CHRDL2: variants seen among roughly 807,000 people sequenced by gnomAD.
CHRDL2 encodes chordin like 2.
Under a neutral mutation model 54.3 loss-of-function variants are expected in CHRDL2, and 41 were observed. The ratio of observed to expected loss-of-function variants is 0.76; its 90% CI spans 0.59 to 0.98. CHRDL2 has a LOEUF of 0.98. Ranked by LOEUF, CHRDL2 falls within the 50% of genes least tolerant of loss-of-function variation. The pLI, the probability that CHRDL2 is intolerant of heterozygous loss-of-function variation, is 0.00. For missense variants in CHRDL2, 518 were observed against 562.4 expected (o/e 0.92, Z 0.80); for synonymous variants, 220 against 224.3 (o/e 0.98, Z 0.17).
rs988008875 is a variant in CHRDL2, at chr11:74,715,750, G to A, written c.196-2271C>T. On this transcript the variant is annotated intron_variant, in intron 2 of 10. Transcript: ENST00000376332. ...TCCCAGCACTTTGGGATGCCAAGGC[G>A]GGCAGATTGTTTGAGGTCAGGTGTT... is the stretch of plus-strand genomic sequence containing the variant. Among the ~76,000 whole-genome samples, 20 of 151,754 alleles carry A rather than the reference G, an allele frequency of 1.3e-4. 1 individual carries two copies. Among genetic ancestry groups the A allele is most frequent in the Non-Finnish European group, 2.5e-4 (17 of 67,956 alleles).
At chr11:74,720,468 C>T (rs1295942009) in intron 1 of CHRDL2, 2 of 152,982 alleles carry the variant, frequency 1.3e-5, no homozygotes, top group East Asian at 1.9e-4. Flanking sequence ...CTCTCATCTC[C>T]TGTGGCTTTT....
intron 1 of CHRDL2, among the ~76,000 whole-genome samples, chr11:74,722,434 C>A (rs2034512992): frequency 1.3e-5 from 2 of 152,148 alleles, no homozygotes; most frequent in South Asian, 4.1e-4. Flanking sequence ...GTTTCCACAT[C>A]TATTAAATGG....
chr11:74,719,787 C>G (rs1356156735), intron 1 of CHRDL2, among the ~76,000 whole-genome samples: 1 of 152,168 alleles, frequency 6.6e-6, no homozygotes. Context: ...TACAATCCTG[C>G]ATTCCTGAAA....
intron 9 of CHRDL2, chr11:74,698,631 CTGGATGGA>C (rs3841468): frequency 0.045 from 6,748 of 148,428 alleles, 565 homozygotes; most frequent in African/African-American, 0.16. Flanking sequence ...GAATGAATCC[CTGGATGGA>C]TGGATGGATG....
At chr11:74,725,227 G>A (rs1308833351) in intron 1 of CHRDL2, among the ~76,000 whole-genome samples, 7 of 152,016 alleles carry the variant, frequency 4.6e-5, no homozygotes, top group African/African-American at 1.2e-4. Flanking sequence ...TCTTGACCTC[G>A]TGATCCACCC....
intron 8 of CHRDL2, 76 bp from the exon 9 acceptor site, chr11:74,703,043 G>A: frequency 2.1e-6 from 3 of 1,407,094 alleles, no homozygotes; most frequent in South Asian, 1.4e-5. Flanking sequence ...ATTCTAAAAT[G>A]TTGTGACTTC....
intron 1 of CHRDL2, among the ~76,000 whole-genome samples, chr11:74,728,654 C>G (rs2034607446): frequency 6.6e-6 from 1 of 152,188 alleles, no homozygotes; most frequent in Non-Finnish European, 1.5e-5. Context: ...GTGACTGGAA[C>G]TACAGGTGTG....
At chr11:74,727,732 C>A (rs912255536) in intron 1 of CHRDL2, among the ~76,000 whole-genome samples, 2 of 151,980 alleles carry the variant, frequency 1.3e-5, no homozygotes, top group Non-Finnish European at 2.9e-5. Flanking sequence ...AACTGACTCT[C>A]CTGAAAGCAG....
chr11:74,703,296 CCT>C lies in CHRDL2; in HGVS notation c.946+7_946+8del. The stretch of plus-strand genomic sequence containing the variant: ...CAGCGCCCTCCTTGCTCCCAGTGCC[CCT>C]GTGTACCTGGGCAAATCTTGCAGCA... On this transcript the variant is annotated splice_region_variant and intron_variant, in intron 8 of 10. Coordinates refer to ENST00000376332, the MANE Select transcript of CHRDL2 (RefSeq NM_001278473.3). 1.3e-6 allele frequency: 2 copies of C among 1,590,256 alleles called. No homozygotes were observed. Among genetic ancestry groups the C allele is most frequent in the South Asian group, 2.3e-5 (2 of 88,160 alleles).
chr11:74,710,738 C>G, intron 4 of CHRDL2, 111 bp downstream of exon 4: 1 of 1,360,592 alleles, frequency 7.3e-7, no homozygotes, highest in Non-Finnish European at 9.8e-7. Context: ...TGAGCCCATT[C>G]ATTTTGCTTT....
At chr11:74,721,089 A>G (rs1481466719) in intron 1 of CHRDL2, among the ~76,000 whole-genome samples, 1 of 152,228 alleles carries the variant, frequency 6.6e-6, no homozygotes, top group Non-Finnish European at 1.5e-5. Flanking sequence ...GCAAGCCAGC[A>G]AGGCCCGGCT....
chr11:74,718,403 G>C (rs1057511935), intron 2 of CHRDL2, among the ~76,000 whole-genome samples: 1 of 152,168 alleles, frequency 6.6e-6, no homozygotes, highest in Non-Finnish European at 1.5e-5. Flanking sequence ...GGTCAAAAAG[G>C]CTCTGTCTTG....
Position 74,713,416 on chromosome 11 carries a change from C to T in CHRDL2, c.259G>A (p.Glu87Lys). 3 of 1,614,114 alleles carry T rather than the reference C, an allele frequency of 1.9e-6. No individual in the cohort carries two copies. The highest frequency in any genetic ancestry group is 2.5e-6 in the Non-Finnish European group (3 of 1,179,994). The change falls in exon 3 of 11, where the codon GAG becomes AAG. Residue 87 changes from glutamate (E) to lysine (K), a missense_variant. Transcript: ENST00000376332. ...PPVHCPQPVT[E>K]PQQCCPKCVE... is the part of the protein sequence containing the mutation. Reference sequence around the variant, plus strand: ...CACTTGGGACAGCATTGCTGTGGCTCCGTCACAGGCTGGGGGCAGTGGACA... The same window carrying T: ...CACTTGGGACAGCATTGCTGTGGCTTCGTCACAGGCTGGGGGCAGTGGACA...
chr11:74,715,833 C>A (rs904858273), intron 2 of CHRDL2, among the ~76,000 whole-genome samples: 2 of 151,562 alleles, frequency 1.3e-5, no homozygotes, highest in Non-Finnish European at 2.9e-5. Context: ...CAAAAATTAG[C>A]CGGGCGTGGT....
Position 74,703,195 on chromosome 11 carries a change from G to A in CHRDL2, c.946+110C>T, listed in dbSNP as rs575725426. The A allele has an allele frequency of 5.6e-5, 73 of 1,315,290 alleles. 1 individual carries two copies. The highest frequency in any genetic ancestry group is 1.3e-4 in the South Asian group (9 of 67,422). The allele number at this position is 1,315,290 out of a possible 1,614,324, so 81.5% of individuals were successfully genotyped here. ...GACATGCCCTGCATCCTGTGGCACC[G>A]ATGCATGCCCTTCCATGTCTGAGAT... On this transcript the variant is annotated intron_variant, in intron 8 of 10. Coordinates refer to ENST00000376332, the MANE Select transcript of CHRDL2 (RefSeq NM_001278473.3).
At chr11:74,729,592 A>C (rs1410814569) in intron 1 of CHRDL2, among the ~76,000 whole-genome samples, 1 of 152,222 alleles carries the variant, frequency 6.6e-6, no homozygotes, top group Admixed American at 6.5e-5. Flanking sequence ...CATGAGCAGA[A>C]ACAAGACCGT....
intron 1 of CHRDL2, among the ~76,000 whole-genome samples, chr11:74,719,749 G>A (rs1246080949): frequency 6.6e-6 from 1 of 152,084 alleles, no homozygotes; most frequent in Non-Finnish European, 1.5e-5. Context: ...TACTAAAATC[G>A]TTTGTTCCAT....
intron 1 of CHRDL2, among the ~76,000 whole-genome samples, chr11:74,724,086 T>C (rs1048765209): frequency 2.0e-5 from 3 of 152,238 alleles, no homozygotes; most frequent in African/African-American, 7.2e-5. Flanking sequence ...ATACAATACA[T>C]TCAGTCTGAC....
chr11:74,708,514 G>A, intron 4 of CHRDL2, 119 bp from the exon 5 acceptor site: 1 of 703,746 alleles, frequency 1.4e-6, no homozygotes, highest in Non-Finnish European at 2.3e-6. Flanking sequence ...GGTGGGGAGG[G>A]GAAGCAACAG....
Sources: allele counts gnomAD v4.1 joint callset (sites outside exome capture counted in the v4.1 genomes callset), GRCh38; gene constraint gnomAD v4.1.1; transcripts MANE v1.5; gene names NCBI Gene and HGNC (gene_info 2026-07-23, HGNC 2026-07-21).